The following DEUP1 variants were observed in gnomAD, a reference collection of about 807,000 sequenced individuals.
DEUP1 encodes deuterosome assembly protein 1.
DEUP1 carries 82 observed loss-of-function variants against 87.4 expected under a neutral mutation model. The ratio of observed to expected loss-of-function variants is 0.94; its 90% CI spans 0.78 to 1.13. DEUP1 has a LOEUF of 1.13. DEUP1 is among the 50% of genes most tolerant of loss of function. DEUP1 has a pLI of 0.00. For synonymous variants in DEUP1, 214 were observed against 222.7 expected (o/e 0.96, Z 0.35); for missense variants, 663 against 681.5 (o/e 0.97, Z 0.30).
intron 11 of DEUP1, among the ~76,000 whole-genome samples, chr11:93,407,558 A>T (rs921479573): frequency 6.6e-6 from 1 of 152,144 alleles, no homozygotes; most frequent in South Asian, 2.1e-4. Context: ...GGTAGGAAAA[A>T]GACTAGAAAG....
chr11:93,352,989 C>A (rs1230777338), intron 2 of DEUP1, among the ~76,000 whole-genome samples: 1 of 152,136 alleles, frequency 6.6e-6, no homozygotes, highest in Admixed American at 6.5e-5. Context: ...ACCAATCATG[C>A]CTTCCCAACA....
chr11:93,377,077 A>G (rs1406985008), intron 7 of DEUP1, among the ~76,000 whole-genome samples: 1 of 152,152 alleles, frequency 6.6e-6, no homozygotes, highest in Non-Finnish European at 1.5e-5. Flanking sequence ...GTGCTGATGA[A>G]TAGAATATAT....
chr11:93,370,279 GCC>G, intron 6 of DEUP1, 93 bp downstream of exon 6: 2 of 618,084 alleles, frequency 3.2e-6, no homozygotes, highest in Admixed American at 4.4e-5. Context: ...AAACAGACAT[GCC>G]AACTAAGAAA....
chr11:93,430,931 A>G (rs888292579), intron 13 of DEUP1, among the ~76,000 whole-genome samples: 1 of 152,028 alleles, frequency 6.6e-6, no homozygotes, highest in African/African-American at 2.4e-5. Flanking sequence ...CCCCGTCTCT[A>G]CTAAAAATAC....
At chr11:93,343,169 G>A (rs145798070) in intron 2 of DEUP1, among the ~76,000 whole-genome samples, 22 of 152,296 alleles carry the variant, frequency 1.4e-4, no homozygotes, top group African/African-American at 4.8e-4. Context: ...CATTCCAAAA[G>A]CAGTATATTA....
intron 7 of DEUP1, chr11:93,383,323 T>A (rs181355773): frequency 3.2e-6 from 1 of 310,420 alleles, no homozygotes; most frequent in Non-Finnish European, 5.8e-6. Flanking sequence ...ACAACATGGA[T>A]GAACCTTGAA....
chr11:93,330,964 C>G (rs1943442582), intron 1 of DEUP1, among the ~76,000 whole-genome samples, 192 bp downstream of exon 1: 1 of 152,244 alleles, frequency 6.6e-6, no homozygotes, highest in African/African-American at 2.4e-5. Context: ...GAGGCCCGCG[C>G]TTGCAAATCC....
intron 3 of DEUP1, 119 bp downstream of exon 3, chr11:93,355,661 C>T: frequency 1.1e-6 from 1 of 885,698 alleles, no homozygotes; most frequent in Non-Finnish European, 1.6e-6. Flanking sequence ...GCATTTATTG[C>T]TTGAAATTCT....
intron 13 of DEUP1, among the ~76,000 whole-genome samples, chr11:93,428,499 G>A (rs970270751): frequency 6.6e-6 from 1 of 151,990 alleles, no homozygotes; most frequent in Non-Finnish European, 1.5e-5. Context: ...AATGCTAAAT[G>A]ACGAGTTAAT....
chr11:93,396,805 T>C (rs1368092993), intron 11 of DEUP1, among the ~76,000 whole-genome samples: 1 of 152,148 alleles, frequency 6.6e-6, no homozygotes, highest in African/African-American at 2.4e-5. Context: ...GTACCTCACA[T>C]CTCAGGCATA....
chr11:93,351,618 A>C (rs538495710), intron 2 of DEUP1, among the ~76,000 whole-genome samples: 3 of 152,354 alleles, frequency 2.0e-5, no homozygotes, highest in African/African-American at 7.2e-5. Context: ...ATTCCAATTA[A>C]ATTTCAATCT....
At chr11:93,412,170 G>A (rs1177218145) in intron 12 of DEUP1, among the ~76,000 whole-genome samples, 1 of 152,128 alleles carries the variant, frequency 6.6e-6, no homozygotes, top group East Asian at 1.9e-4. Flanking sequence ...GGACAGGACT[G>A]GATGTACATG....
intron 4 of DEUP1, among the ~76,000 whole-genome samples, chr11:93,358,654 CCT>C (rs1565304861): frequency 6.6e-6 from 1 of 152,146 alleles, no homozygotes; most frequent in East Asian, 1.9e-4. Context: ...CATGATCTCC[CCT>C]CACTGCAACC....
chr11:93,361,685 A>C (rs1945184116), intron 4 of DEUP1, among the ~76,000 whole-genome samples: 1 of 152,118 alleles, frequency 6.6e-6, no homozygotes, highest in African/African-American at 2.4e-5. Context: ...AATAATGCTC[A>C]TGTAATTCAC....
chr11:93,408,403 TA>T lies in DEUP1; in HGVS notation c.1503del (p.Val502TrpfsTer32). 1 of 1,558,098 alleles carries T rather than the reference TA, an allele frequency of 6.4e-7. No individual in the cohort carries two copies. The highest frequency in any genetic ancestry group is 1.2e-5 in the South Asian group (1 of 83,240). The stretch of plus-strand genomic sequence containing the variant: ...GGAAGATATGCCTATCAAAGCCAAA[TA>T]AAAGTGGAACAAAATGAAGAGAGGT... ...ETGRYAYQSQ[I>X]KVEQNEERLS... is the part of the protein sequence containing the mutation. On this transcript the variant is annotated frameshift_variant, in exon 12 of 14. Coordinates refer to ENST00000298050, the MANE Select transcript of DEUP1 (RefSeq NM_181645.4). LOFTEE classifies it high-confidence loss of function.
intron 7 of DEUP1, among the ~76,000 whole-genome samples, chr11:93,379,527 C>T (rs974390214): frequency 7.9e-5 from 12 of 152,196 alleles, no homozygotes; most frequent in Non-Finnish European, 1.3e-4. Flanking sequence ...TCACACTTAT[C>T]ACAATGACAC....
At chr11:93,427,012 G>GAAAAAAAAAAAAAAAAA (rs1215051153) in intron 13 of DEUP1, among the ~76,000 whole-genome samples, 1 of 11,844 alleles carries the variant, frequency 8.4e-5, no homozygotes, top group Non-Finnish European at 1.3e-4. Context: ...AAAAAAAAAA[G>GAAAAAAAAAAAAAAAAA]AAAAAAAAAA....
At chr11:93,436,412 G>T (rs958621308) in intron 13 of DEUP1, among the ~76,000 whole-genome samples, 3 of 152,192 alleles carry the variant, frequency 2.0e-5, no homozygotes, top group African/African-American at 7.2e-5. Flanking sequence ...ACATGTGAAT[G>T]CTAACTGCTT....
At chr11:93,343,145 A>C (rs1944164970) in intron 2 of DEUP1, among the ~76,000 whole-genome samples, 1 of 152,240 alleles carries the variant, frequency 6.6e-6, no homozygotes, top group Admixed American at 6.5e-5. Context: ...AATGAGGTTC[A>C]CTGAAATTTC....
Sources: allele counts gnomAD v4.1 joint callset (sites outside exome capture counted in the v4.1 genomes callset), GRCh38; gene constraint gnomAD v4.1.1; transcripts MANE v1.5; gene names NCBI Gene and HGNC (gene_info 2026-07-23, HGNC 2026-07-21).